Variants in MTF1 observed in about 807,000 individuals in gnomAD.
The protein encoded by MTF1 is MRE-binding transcription factor.
In MTF1, 22 loss-of-function variants were observed where a neutral mutation model predicts 70.4. The ratio of observed to expected loss-of-function variants is 0.31; its 90% confidence interval spans 0.22 to 0.45. The LOEUF is 0.45. MTF1 is among the 20% of genes least tolerant of loss of function. The pLI is 1.00. For synonymous variants in MTF1, 333 were observed against 352.8 expected (o/e 0.94, Z 0.63); for missense variants, 649 against 922.0 (o/e 0.70, Z 3.83).
intron 3 of MTF1, 41 bp from the exon 4 acceptor site, chr1:37,838,797 CT>C (rs746478428): frequency 0.079 from 37,088 of 468,886 alleles, 10 homozygotes; most frequent in East Asian, 0.11. Flanking sequence ...TCATAAAATT[CT>C]TTTTTTTTTT....
chr1:37,849,168 G>C (rs1174276888), intron 2 of MTF1, among the ~76,000 whole-genome samples: 1 of 152,192 alleles, frequency 6.6e-6, no homozygotes, highest in Non-Finnish European at 1.5e-5. Flanking sequence ...GCTCACACCT[G>C]TAATCCCAGC....
intron 2 of MTF1, among the ~76,000 whole-genome samples, chr1:37,844,216 ACT>A (rs1306088330): frequency 2.0e-5 from 3 of 152,004 alleles, no homozygotes; most frequent in Middle Eastern, 6.8e-3. Flanking sequence ...CAAACAGAAG[ACT>A]CTGTCTAGGC....
In MTF1 at chr1:37,812,466, C is replaced by A. The variant is rs1640752069; in HGVS notation, c.*2670G>T. On this transcript the variant is annotated 3_prime_UTR_variant, in exon 11 of 11. Coordinates refer to ENST00000373036, the MANE Select transcript of MTF1 (RefSeq NM_005955.3). ...AGTCTCTCTTGTAATCTAGAGTCACCCTCAAAAGGCAGATACTTCAGCTTC... is the reference window on the plus strand; with the variant it reads ...AGTCTCTCTTGTAATCTAGAGTCACACTCAAAAGGCAGATACTTCAGCTTC... 1 of 152,150 alleles carries A rather than the reference C, an allele frequency of 6.6e-6. No homozygotes were observed. Among genetic ancestry groups the A allele is most frequent in the Non-Finnish European group, 1.5e-5 (1 of 68,036 alleles). The allele number at this position is 152,150 out of a possible 1,614,324, so 9.4% of individuals were successfully genotyped here.
intron 2 of MTF1, among the ~76,000 whole-genome samples, chr1:37,853,301 G>A (rs993733769): frequency 4.6e-5 from 7 of 152,204 alleles, no homozygotes; most frequent in African/African-American, 1.7e-4. Flanking sequence ...TTCCATGTTT[G>A]GATCTTTGCT....
In MTF1 at chr1:37,822,338, G is replaced by A; in HGVS notation, c.1550C>T (p.Ala517Val). Residue 517 changes from alanine to valine, a missense_variant, in exon 9 of 11, where the codon GCA becomes GTA. By Grantham distance (64) the Ala-to-Val change is moderately conservative. Coordinates refer to ENST00000373036, the MANE Select transcript of MTF1 (RefSeq NM_005955.3). ...ASAAAVASAVAAPAPPQSTTE... is the reference protein window; with the variant it reads ...ASAAAVASAVVAPAPPQSTTE... ...AGTACTTTGTGGTGGGGCTGGTGCTGCCACAGCTGATGCCACTGCCGCTGC... is the reference window on the plus strand; with the variant it reads ...AGTACTTTGTGGTGGGGCTGGTGCTACCACAGCTGATGCCACTGCCGCTGC... The A allele has an allele frequency of 6.2e-7, 1 of 1,612,810 alleles. No individual in the cohort carries two copies. Among genetic ancestry groups the A allele is most frequent in the East Asian group, 2.2e-5 (1 of 44,862 alleles).
intron 2 of MTF1, among the ~76,000 whole-genome samples, chr1:37,850,348 A>G (rs1641397276): frequency 6.6e-6 from 1 of 151,686 alleles, no homozygotes; most frequent in African/African-American, 2.4e-5. Context: ...CTATAATCCC[A>G]GCACTTTGGG....
At chr1:37,839,818 A>G (rs1641228811) in intron 3 of MTF1, 102 bp downstream of exon 3, 1 of 898,140 alleles carries the variant, frequency 1.1e-6, no homozygotes, top group East Asian at 2.4e-5. Context: ...CGCTCTTTTA[A>G]AGCCCTGAAA....
chr1:37,814,010 T>TA lies in MTF1; in HGVS notation c.*1125dup, dbSNP rs1251518711. On this transcript the variant is annotated 3_prime_UTR_variant, in exon 11 of 11. Coordinates refer to ENST00000373036, the MANE Select transcript of MTF1 (RefSeq NM_005955.3). ...TTTGTGTTTCTTTTTTTTTTTTTTT[T>TA]AAATAAATCACATGACTAAGCTGAG... 3.4e-5 allele frequency: 5 copies of TA among 148,756 alleles called. No individual in the cohort carries two copies. Among genetic ancestry groups the TA allele is most frequent in the African/African-American group, 9.7e-5 (4 of 41,112 alleles). 9.2% of individuals were successfully genotyped at this position (148,756 alleles called of 1,614,324 possible).
chr1:37,838,675 G>T lies in MTF1; in HGVS notation c.729C>A (p.Leu243=). 1 of 1,612,712 alleles carries T rather than the reference G, an allele frequency of 6.2e-7. No individual in the cohort carries two copies. The highest frequency in any genetic ancestry group is 1.7e-5 in the Admixed American group (1 of 59,982). The change falls in exon 4 of 11, where the codon CTC becomes CTA. Residue 243 remains leucine, a synonymous_variant. Transcript: ENST00000373036. ...SEGCSKYFTT[L]SDLRKHIRTH... The stretch of plus-strand genomic sequence containing the variant: ...TTCGAATGTGCTTCCTCAGATCACT[G>T]AGTGTGGTGAAGTATTTGCTGCAGC...
In MTF1 at chr1:37,823,699, G is replaced by A. The variant is rs370871236; in HGVS notation, c.1171+11C>T. ...GCTTAGATGTGAGTAGAAAGAGTCC[G>A]TGTGACAAACCTGTCTGTTGAGGAT... On this transcript the variant is annotated intron_variant, in intron 8 of 10. Transcript: ENST00000373036. 1.5e-4 allele frequency: 236 copies of A among 1,596,042 alleles called. No homozygotes were observed. The highest frequency in any genetic ancestry group is 9.4e-5 in the African/African-American group (7 of 74,714).
chr1:37,854,739 T>A (rs963279930), intron 2 of MTF1, among the ~76,000 whole-genome samples: 1 of 152,224 alleles, frequency 6.6e-6, no homozygotes, highest in South Asian at 2.1e-4. Context: ...CTCACACTTA[T>A]GAGACTGCGC....
intron 4 of MTF1, among the ~76,000 whole-genome samples, chr1:37,837,617 T>C (rs2148412709): frequency 6.6e-6 from 1 of 152,280 alleles, no homozygotes; most frequent in South Asian, 2.1e-4. Flanking sequence ...GCAATTCTCC[T>C]GCCTCAGCCT....
chr1:37,828,250 G>A, intron 7 of MTF1: 2 of 349,066 alleles, frequency 5.7e-6, no homozygotes, highest in Non-Finnish European at 5.6e-6. Context: ...AGAGATCATG[G>A]CTTTTGGGGG....
At chr1:37,848,539 G>T (rs531726740) in intron 2 of MTF1, among the ~76,000 whole-genome samples, 7 of 152,210 alleles carry the variant, frequency 4.6e-5, no homozygotes, top group African/African-American at 1.7e-4. Flanking sequence ...CAAAATGTTG[G>T]CAGTACTTAA....
At chr1:37,830,380 T>C (rs1247661468) in intron 7 of MTF1, among the ~76,000 whole-genome samples, 1 of 152,254 alleles carries the variant, frequency 6.6e-6, no homozygotes, top group African/African-American at 2.4e-5. Context: ...TTTTCCGTTT[T>C]AGATTTCCAT....
At chr1:37,832,020 G>T (rs1641094304) in intron 7 of MTF1, among the ~76,000 whole-genome samples, 1 of 152,106 alleles carries the variant, frequency 6.6e-6, no homozygotes, top group Non-Finnish European at 1.5e-5. Flanking sequence ...ATTTTCTGGG[G>T]CCAGGTTACC....
At chr1:37,832,706 A>T (rs1262143268) in intron 6 of MTF1, among the ~76,000 whole-genome samples, 2 of 152,140 alleles carry the variant, frequency 1.3e-5, no homozygotes, top group South Asian at 2.1e-4. Context: ...CTTAAAAATG[A>T]TTAATAAAGA....
chr1:37,831,859 A>C (rs1454345609), intron 7 of MTF1, among the ~76,000 whole-genome samples: 2 of 152,224 alleles, frequency 1.3e-5, no homozygotes, highest in African/African-American at 2.4e-5. Context: ...GGATTTGAGA[A>C]AGTCCAGAAA....
intron 4 of MTF1, 128 bp downstream of exon 4, chr1:37,838,497 G>C: frequency 1.5e-6 from 1 of 687,562 alleles, no homozygotes; most frequent in East Asian, 3.0e-5. Flanking sequence ...GCTGTCCTGG[G>C]GTGAGCTAAC....
Sources: gnomAD v4.1 joint callset for allele counts (sites outside exome capture counted in the v4.1 genomes callset) on GRCh38, gnomAD v4.1.1 for gene constraint, MANE v1.5 for transcripts, NCBI Gene and HGNC (gene_info 2026-07-23, HGNC 2026-07-21) for gene names.